Variants in SBK1 observed in about 807,000 individuals in gnomAD.
SBK1 encodes the protein SH3 domain binding kinase 1.
Under a neutral mutation model 24.4 loss-of-function variants are expected in SBK1, and 11 were observed. That is an observed-to-expected ratio of 0.45 (90% CI 0.28 to 0.75). The LOEUF (loss-of-function observed/expected upper bound fraction) is 0.75. SBK1 is among the 30% of genes least tolerant of loss of function. The pLI, the probability that SBK1 is intolerant of heterozygous loss-of-function variation, is 0.12. For synonymous variants in SBK1, 308 were observed against 284.4 expected (o/e 1.08, Z -0.83); for missense variants, 467 against 620.5 (o/e 0.75, Z 2.63).
intron 1 of SBK1, among the ~76,000 whole-genome samples, chr16:28,271,582 T>C (rs897525028): frequency 6.6e-6 from 1 of 151,650 alleles, no homozygotes; most frequent in Admixed American, 6.6e-5. Flanking sequence ...GAGAGTAACA[T>C]CTGGACTCCA....
At chr16:28,276,865 C>T (rs577316085) in intron 1 of SBK1, among the ~76,000 whole-genome samples, 14 of 152,002 alleles carry the variant, frequency 9.2e-5, no homozygotes, top group South Asian at 2.1e-4. Context: ...AAGGTTTCAC[C>T]GTGTTAGCCA....
chr16:28,267,589 A>C (rs969411006), intron 1 of SBK1, among the ~76,000 whole-genome samples: 1 of 152,232 alleles, frequency 6.6e-6, no homozygotes, highest in African/African-American at 2.4e-5. Context: ...AGCAGTGAGA[A>C]CTAATCAACT....
chr16:28,314,149 G>A (rs1436084549), intron 1 of SBK1, among the ~76,000 whole-genome samples: 6 of 148,960 alleles, frequency 4.0e-5, no homozygotes, highest in Non-Finnish European at 1.5e-5. Context: ...CGTTATTATT[G>A]TTATTATTAT....
rs2044846448 is a variant in SBK1, at chr16:28,321,324, A to AC, written c.*408dup. On this transcript the variant is annotated 3_prime_UTR_variant, in exon 4 of 4. Transcript: ENST00000341901. ...GGACTCGTTGCTCCTGGCCTTCCAT[A>AC]CCCCCTGGCAGATCATCCTGCGGTC... The AC allele has an allele frequency of 6.5e-6, 1 of 153,658 alleles. No homozygotes were observed. The highest frequency in any genetic ancestry group is 1.4e-5 in the Non-Finnish European group (1 of 70,138). The allele number at this position is 153,658 out of a possible 1,614,324, so 9.5% of individuals were successfully genotyped here.
upstream of SBK1, among the ~76,000 whole-genome samples, chr16:28,290,078 C>T (rs557397600): frequency 6.9e-6 from 1 of 145,970 alleles, no homozygotes; most frequent in Admixed American, 6.7e-5. Context: ...AAAGTGAGAC[C>T]CTGTCTCAAA....
upstream of SBK1, among the ~76,000 whole-genome samples, chr16:28,287,592 C>T (rs1011088196): frequency 2.0e-5 from 3 of 152,176 alleles, no homozygotes; most frequent in African/African-American, 7.2e-5. Flanking sequence ...TATCCCTAGG[C>T]GTCAGGGACA....
intron 1 of SBK1, among the ~76,000 whole-genome samples, chr16:28,305,197 C>T (rs1302281856): frequency 3.3e-5 from 5 of 152,072 alleles, no homozygotes; most frequent in South Asian, 2.1e-4. Context: ...GGTTTCTCCC[C>T]GCCAGATCTT....
At chr16:28,312,419 G>A (rs947433486) in intron 1 of SBK1, among the ~76,000 whole-genome samples, 5 of 152,202 alleles carry the variant, frequency 3.3e-5, no homozygotes, top group African/African-American at 7.2e-5. Context: ...ACGATCACGC[G>A]GAGATGTCGC....
At chr16:28,284,856 G>A (rs1268370079) in intron 1 of SBK1, 1 of 152,008 alleles carries the variant, frequency 6.6e-6, no homozygotes, top group Non-Finnish European at 1.5e-5. Context: ...TACTTATTTT[G>A]GAAACAGTGA....
chr16:28,288,642 G>A (rs2044580972), upstream of SBK1, among the ~76,000 whole-genome samples: 1 of 152,234 alleles, frequency 6.6e-6, no homozygotes, highest in South Asian at 2.1e-4. Context: ...CTTCAGTCCT[G>A]AGGGACCTAA....
At chr16:28,272,162 T>C (rs919517997) in intron 1 of SBK1, among the ~76,000 whole-genome samples, 4 of 152,186 alleles carry the variant, frequency 2.6e-5, no homozygotes, top group Admixed American at 6.5e-5. Context: ...CTCCATCTCC[T>C]GGGCTCAAGC....
intron 1 of SBK1, among the ~76,000 whole-genome samples, chr16:28,269,326 T>C (rs2044449603): frequency 6.6e-6 from 1 of 150,618 alleles, no homozygotes; most frequent in African/African-American, 2.4e-5. Flanking sequence ...TGAGCCACCA[T>C]GCCTGGCCTG....
rs1049955744 is a variant in SBK1, at chr16:28,259,810, A to T, written c.257+308A>T. Among the ~76,000 whole-genome samples, 3 of 152,048 alleles carry T rather than the reference A, an allele frequency of 2.0e-5. No homozygotes were observed. Among genetic ancestry groups the T allele is most frequent in the African/African-American group, 4.8e-5 (2 of 41,404 alleles). On this transcript the variant is annotated intron_variant, in intron 1 of 3. Coordinates refer to the SBK1 transcript ENST00000671413. The surrounding 1 kb of genome is among the most constrained non-coding windows in gnomAD (Gnocchi z 6.0). ...GGATAAAGTTAACACTCGGCTGAGC[A>T]TTCAAGGCCTGCGTGATTGGGGCCG...
At chr16:28,273,695 C>A (rs2044480951) in intron 1 of SBK1, among the ~76,000 whole-genome samples, 1 of 152,160 alleles carries the variant, frequency 6.6e-6, no homozygotes, top group South Asian at 2.1e-4. Context: ...TGGCCTCCCA[C>A]AGTGCTGGGA....
intron 1 of SBK1, among the ~76,000 whole-genome samples, chr16:28,268,099 TG>T (rs1284112654): frequency 6.6e-6 from 1 of 152,058 alleles, no homozygotes; most frequent in African/African-American, 2.4e-5. Context: ...CTGGGCAACA[TG>T]GTGAGACCCC....
Position 28,264,571 on chromosome 16 carries a change from C to CAAA in SBK1, c.257+5083_257+5085dup, listed in dbSNP as rs34293134. 4.4e-4 allele frequency among the ~76,000 whole-genome samples: 47 copies of CAAA among 107,946 alleles called. 1 individual carries two copies. The highest frequency in any genetic ancestry group is 2.6e-3 in the Admixed American group (29 of 11,182). The allele number at this position is 107,946 out of a possible 152,430, so 70.8% of individuals were successfully genotyped here. A position where few individuals can be genotyped will look rare whatever the true frequency, so the allele number is the denominator to read the frequency against. ...TGGGCAATAGAGCGAGACTCCGTCT[C>CAAA]AAAAAAAAAAAAAAAATTCCTGCCA... On this transcript the variant is annotated intron_variant, in intron 1 of 3. Coordinates refer to the SBK1 transcript ENST00000671413.
intron 1 of SBK1, among the ~76,000 whole-genome samples, chr16:28,295,375 C>T (rs901651861): frequency 6.6e-6 from 1 of 152,166 alleles, no homozygotes; most frequent in Admixed American, 6.6e-5. Context: ...AAAAGCCCCA[C>T]TCTAGGATGG....
chr16:28,314,366 A>G (rs1471150518), intron 1 of SBK1, among the ~76,000 whole-genome samples: 1 of 135,092 alleles, frequency 7.4e-6, no homozygotes, highest in Non-Finnish European at 1.5e-5. Context: ...GGTCTTGCTC[A>G]GGCCGGTCTC....
At chr16:28,272,006 G>A (rs773496421) in intron 1 of SBK1, among the ~76,000 whole-genome samples, 5 of 152,126 alleles carry the variant, frequency 3.3e-5, no homozygotes, top group Non-Finnish European at 7.4e-5. Context: ...TGCTAGTTTC[G>A]TTTTACTGTG....
Sources: gnomAD v4.1 joint callset for allele counts (sites outside exome capture counted in the v4.1 genomes callset) on GRCh38, gnomAD v4.1.1 for gene constraint, Gnocchi (gnomAD v3.1) non-coding constraint, MANE v1.5 for transcripts, NCBI Gene and HGNC (gene_info 2026-07-23, HGNC 2026-07-21) for gene names.